Variants in ARID1B observed in about 807,000 individuals in gnomAD.
ARID1B encodes AT-rich interactive domain-containing protein 1B.
ARID1B carries 30 observed loss-of-function variants against 212.3 expected under a neutral mutation model. The observed-to-expected ratio is 0.14, with a 90% confidence interval of 0.11 to 0.19. The LOEUF (loss-of-function observed/expected upper bound fraction) is 0.19. Ranked by LOEUF, ARID1B falls within the 10% of genes least tolerant of loss-of-function variation. The pLI, the probability that ARID1B is intolerant of heterozygous loss-of-function variation, is 1.00. For missense variants in ARID1B, 2,891 were observed against 3,204.0 expected (o/e 0.90, Z 2.36); for synonymous variants, 1,402 against 1,301.7 (o/e 1.08, Z -1.66).
rs532831412 is a variant in ARID1B at position 157,001,243 on chromosome 6, T to A, written c.2247+65667T>A. Among the ~76,000 whole-genome samples the A allele has an allele frequency of 2.0e-5, 3 of 152,304 alleles. No individual in the cohort carries two copies. In the South Asian group the frequency reaches 6.2e-4, roughly 32 times the overall value. ...AGATATCTTTGCCACAGCACCCAGATTGAAATGGTCTCATTTTGAAGGTGA... is the reference window on the plus strand; with the variant it reads ...AGATATCTTTGCCACAGCACCCAGAATGAAATGGTCTCATTTTGAAGGTGA... On this transcript the variant is annotated intron_variant, in intron 4 of 19. Transcript: ENST00000636930.
intron 13 of ARID1B, among the ~76,000 whole-genome samples, chr6:157,187,497 C>G (rs894527931): frequency 1.6e-4 from 24 of 152,300 alleles, no homozygotes; most frequent in Middle Eastern, 3.4e-3. Context: ...GCTATTCCTT[C>G]TCCCCACCCT....
rs1265918558 is a variant in ARID1B at position 157,094,153 on chromosome 6, T to C, written c.2491+9248T>C. On this transcript the variant is annotated intron_variant, in intron 5 of 19. Transcript: ENST00000636930. This position sits in a 1 kb window ranked among gnomAD's most constrained non-coding sequence, Gnocchi z 4.3. ...AGGGCAGGGGCAAGCCATGTGAGCA[T>C]CTGGGAAAGGAGATCCAGGCAGAGA... Among the ~76,000 whole-genome samples, 2 of 152,072 alleles carry C rather than the reference T, an allele frequency of 1.3e-5. No individual in the cohort carries two copies. The highest frequency in any genetic ancestry group is 2.9e-5 in the Non-Finnish European group (2 of 68,012).
chr6:156,815,377 G>A (rs1781892992), intron 1 of ARID1B, among the ~76,000 whole-genome samples: 1 of 152,194 alleles, frequency 6.6e-6, no homozygotes, highest in Admixed American at 6.5e-5. Context: ...TAGCAGAAGG[G>A]TATTGATATT....
chr6:156,778,847 G>GGGAGGC lies in ARID1B; in HGVS notation c.1169_1170insAGGCGG (p.Gly401_Gly402dup). The GGGAGGC allele has an allele frequency of 7.1e-7, 1 of 1,403,486 alleles. No homozygotes were observed. Among genetic ancestry groups the GGGAGGC allele is most frequent in the Admixed American group, 3.1e-5 (1 of 32,076 alleles). The allele number at this position is 1,403,486 out of a possible 1,614,324, so 86.9% of individuals were successfully genotyped here. A position where few individuals can be genotyped will look rare whatever the true frequency, so the allele number is the denominator to read the frequency against. On this transcript the variant is annotated inframe_insertion, in exon 1 of 20. Coordinates refer to ENST00000636930, the MANE Select transcript of ARID1B (RefSeq NM_001374828.1). ...ATCCGGGCTACAGCCGGCCCGGCGC[G>GGGAGGC]GGCGGCGGCGGCGGCGGCGGCGGCG...
chr6:156,902,735 CAAAAAAAAAAA>C (rs869259426), intron 3 of ARID1B, among the ~76,000 whole-genome samples: 21,336 of 61,748 alleles, frequency 0.35, 1,858 homozygotes, highest in Middle Eastern at 0.43. Context: ...GACTCTGTCT[CAAAAAAAAAAA>C]AAAAAAAAAA....
At chr6:157,015,676 A>C (rs1264064830) in intron 4 of ARID1B, among the ~76,000 whole-genome samples, 1 of 152,168 alleles carries the variant, frequency 6.6e-6, no homozygotes, top group Non-Finnish European at 1.5e-5. Context: ...TTCTATTGGG[A>C]GCAGTTGGTT....
At chr6:157,021,515 C>T (rs985640288) in intron 4 of ARID1B, among the ~76,000 whole-genome samples, 9 of 152,220 alleles carry the variant, frequency 5.9e-5, no homozygotes, top group South Asian at 2.1e-4. Context: ...GTTCCGGTGC[C>T]GCCCTCCCTA....
intron 1 of ARID1B, among the ~76,000 whole-genome samples, chr6:156,807,312 T>A (rs896824909): frequency 1.3e-5 from 2 of 152,162 alleles, no homozygotes; most frequent in South Asian, 2.1e-4. Context: ...GAAGCTTGCA[T>A]GTCAGAAACC....
intron 3 of ARID1B, among the ~76,000 whole-genome samples, chr6:156,924,244 T>C (rs1791040902): frequency 6.6e-6 from 1 of 152,242 alleles, no homozygotes. Flanking sequence ...CTGAACTCTG[T>C]GCATACTATG....
Position 157,094,112 on chromosome 6 carries a change from C to A in ARID1B, c.2491+9207C>A, listed in dbSNP as rs1176983381. 2.0e-5 allele frequency among the ~76,000 whole-genome samples: 3 copies of A among 152,074 alleles called. No homozygotes were observed. The highest frequency in any genetic ancestry group is 4.4e-5 in the Non-Finnish European group (3 of 68,024). On this transcript the variant is annotated intron_variant, in intron 5 of 19. Coordinates refer to ENST00000636930, the MANE Select transcript of ARID1B (RefSeq NM_001374828.1). The surrounding 1 kb of genome is among the most constrained non-coding windows in gnomAD (Gnocchi z 4.3). ...TCTCTCTTAGAAGCTGATATTTGAA[C>A]AAGAGAAGTGAAAGAAGGGCAGGGG...
intron 6 of ARID1B, among the ~76,000 whole-genome samples, chr6:157,129,501 G>A (rs924424769): frequency 1.3e-5 from 2 of 152,256 alleles, no homozygotes; most frequent in African/African-American, 4.8e-5. Flanking sequence ...GCTCTTTTAA[G>A]TGGTGCCATT....
chr6:156,972,501 G>A (rs969295781), intron 4 of ARID1B, among the ~76,000 whole-genome samples: 2 of 152,194 alleles, frequency 1.3e-5, no homozygotes, highest in African/African-American at 4.8e-5. Context: ...GTGTCACGTT[G>A]ATGAAGGATT....
intron 3 of ARID1B, among the ~76,000 whole-genome samples, chr6:156,934,912 TTATATATATATATA>T (rs201495355): frequency 0.02 from 1,029 of 52,578 alleles, 22 homozygotes; most frequent in Non-Finnish European, 0.023. Context: ...TAGTTGTTAA[TTATATATATATATA>T]TATATATATA....
intron 3 of ARID1B, among the ~76,000 whole-genome samples, chr6:156,931,426 G>A (rs1409441515): frequency 6.6e-6 from 1 of 152,048 alleles, no homozygotes; most frequent in African/African-American, 2.4e-5. Context: ...AGTAGAAGTG[G>A]GATACTAGTG....
At chr6:156,980,525 C>T (rs1307533606) in intron 4 of ARID1B, among the ~76,000 whole-genome samples, 8 of 149,302 alleles carry the variant, frequency 5.4e-5, no homozygotes, top group Non-Finnish European at 1.0e-4. Context: ...TCATTGAGCT[C>T]CTTTCTGTGT....
Position 157,201,702 on chromosome 6 carries a change from C to T in ARID1B, c.5263+214C>T, listed in dbSNP as rs1382685199. Among the ~76,000 whole-genome samples, 2 of 152,138 alleles carry T rather than the reference C, an allele frequency of 1.3e-5. No individual in the cohort carries two copies. Among genetic ancestry groups the T allele is most frequent in the African/African-American group, 4.8e-5 (2 of 41,434 alleles). On this transcript the variant is annotated intron_variant, in intron 18 of 19. Coordinates refer to ENST00000636930, the MANE Select transcript of ARID1B (RefSeq NM_001374828.1). The surrounding 1 kb of genome is among the most constrained non-coding windows in gnomAD (Gnocchi z 5.2). ...GAAAGATTGGCCGGGCGCGGTGGCT[C>T]ATGCCTGTAATACCAGCACTTTGGG...
chr6:157,055,204 T>A (rs1054657967), intron 4 of ARID1B, among the ~76,000 whole-genome samples: 1 of 152,350 alleles, frequency 6.6e-6, no homozygotes, highest in East Asian at 1.9e-4. Context: ...TATCTTTCCT[T>A]CTACTTCAAG....
intron 16 of ARID1B, 118 bp downstream of exon 16, chr6:157,196,433 C>A: frequency 7.6e-7 from 1 of 1,320,508 alleles, no homozygotes; most frequent in African/African-American, 1.5e-5. Flanking sequence ...GTCCCCTTTC[C>A]TGTGAAAGTA....
chr6:156,860,977 A>G (rs970503627), intron 2 of ARID1B, among the ~76,000 whole-genome samples: 3 of 152,220 alleles, frequency 2.0e-5, no homozygotes, highest in Non-Finnish European at 4.4e-5. Flanking sequence ...CTTGGTTTGG[A>G]AAAAGATACA....
Sources: gnomAD v4.1 joint callset for allele counts (sites outside exome capture counted in the v4.1 genomes callset) on GRCh38, gnomAD v4.1.1 for gene constraint, Gnocchi (gnomAD v3.1) non-coding constraint, MANE v1.5 for transcripts, NCBI Gene and HGNC (gene_info 2026-07-23, HGNC 2026-07-21) for gene names.